The following HLA-DQA1 variants were observed in gnomAD, a reference collection of about 807,000 sequenced individuals.
HLA-DQA1 encodes HLA class II histocompatibility antigen, DQ alpha 1 chain.
A neutral mutation model predicts 20.7 loss-of-function variants in HLA-DQA1; 10 were observed. The observed-to-expected ratio is 0.48, with a 90% confidence interval of 0.30 to 0.82. The LOEUF (loss-of-function observed/expected upper bound fraction) is 0.82, where lower values mean the gene tolerates loss of function less well. HLA-DQA1 is among the 40% of genes least tolerant of loss of function. The pLI is 0.07. For synonymous variants in HLA-DQA1, 39 were observed against 109.2 expected, an observed-to-expected ratio of 0.36 and a Z score of 4.01; for missense variants, 127 against 293.0, an observed-to-expected ratio of 0.43 and a Z score of 4.14.
At chr6:32,651,268 A>ACCTACCACAC (rs1782172206), downstream of HLA-DQA1, among the ~76,000 whole-genome samples, 2 of 92,298 alleles carry the variant, frequency 2.2e-5, no homozygotes, top group Non-Finnish European at 4.8e-5. Context: ...TGAAAAATGT[A>ACCTACCACAC]ATCAAGAAAA....
intron 1 of HLA-DQA1, among the ~76,000 whole-genome samples, chr6:32,640,679 C>T (rs1781315396): frequency 9.3e-6 from 1 of 107,046 alleles, no homozygotes; most frequent in South Asian, 2.9e-4. Flanking sequence ...AAAACAGAGA[C>T]CTTAGAAGGA....
downstream of HLA-DQA1, among the ~76,000 whole-genome samples, chr6:32,651,270 T>C (rs1267976401): frequency 3.3e-5 from 3 of 91,290 alleles, no homozygotes; most frequent in Non-Finnish European, 4.8e-5. Flanking sequence ...AAAAATGTAA[T>C]CAAGAAAATC....
At chr6:32,639,475 C>A in intron 1 of HLA-DQA1, 1 of 96,756 alleles carries the variant, frequency 1.0e-5, no homozygotes, top group African/African-American at 3.6e-5. Context: ...GTGTGCCTGC[C>A]CGTCTTCCCC....
chr6:32,647,536 C>T (rs1254276387), downstream of HLA-DQA1, among the ~76,000 whole-genome samples: 1 of 95,942 alleles, frequency 1.0e-5, no homozygotes, highest in Non-Finnish European at 2.4e-5. Context: ...TTCTACAATG[C>T]AAAGTTTTTT....
At chr6:32,646,330 T>C (rs1463044261), downstream of HLA-DQA1, 1 of 142,560 alleles carries the variant, frequency 7.0e-6, no homozygotes, top group Non-Finnish European at 1.5e-5. Context: ...TGGAGGCCAA[T>C]AGGGGAGGAT....
the HLA-DQA1 span, among the ~76,000 whole-genome samples, chr6:32,655,261 T>TTATTTTTTAAATTTG: frequency 7.0e-6 from 1 of 142,056 alleles, no homozygotes; most frequent in Non-Finnish European, 1.5e-5. Context: ...AGTTTTCTGT[T>TTATTTTTTAAATTTG]TTTTAAAATC....
chr6:32,644,859 T>A (rs1306228355), downstream of HLA-DQA1: 1 of 135,756 alleles, frequency 7.4e-6, no homozygotes, highest in Admixed American at 7.8e-5. Context: ...CATAAGTGTT[T>A]ATTCAAGGTA....
chr6:32,647,596 G>C (rs9380316), downstream of HLA-DQA1, among the ~76,000 whole-genome samples: 2,098 of 151,864 alleles, frequency 0.014, 80 homozygotes, highest in East Asian at 0.14. Flanking sequence ...GAAGCATTCT[G>C]TTTGAAGTTA....
At chr6:32,640,801 T>A (rs1200762146) in intron 1 of HLA-DQA1, among the ~76,000 whole-genome samples, 1 of 46,126 alleles carries the variant, frequency 2.2e-5, no homozygotes, top group Non-Finnish European at 3.7e-5. Context: ...AGATCCTGCA[T>A]GCTTTTCCTT....
Position 32,642,976 on chromosome 6 carries a change from A to T in HLA-DQA1, c.*45A>T, listed in dbSNP as rs9272872. On this transcript the variant is annotated 3_prime_UTR_variant, in exon 5 of 5. Coordinates refer to ENST00000343139, the MANE Select transcript of HLA-DQA1 (RefSeq NM_002122.5). ...GGTGCATCGCCATCTACAGGAGCAG[A>T]AGAATGGACTTGCTAAATGACCTAG... 2.1e-6 allele frequency: 1 copy of T among 479,060 alleles called. No homozygotes were observed. The highest frequency in any genetic ancestry group is 3.8e-6 in the Non-Finnish European group (1 of 264,344). 29.7% of individuals were successfully genotyped at this position (479,060 alleles called of 1,614,324 possible).
the HLA-DQA1 span, among the ~76,000 whole-genome samples, chr6:32,652,570 C>T: frequency 6.7e-6 from 1 of 150,030 alleles, no homozygotes; most frequent in South Asian, 2.1e-4. Context: ...AAATGATGAA[C>T]AATTTTTTCA....
chr6:32,638,716 A>G, intron 1 of HLA-DQA1, among the ~76,000 whole-genome samples: 1 of 78,638 alleles, frequency 1.3e-5, no homozygotes, highest in South Asian at 4.0e-4. Flanking sequence ...GAAGGAAGGA[A>G]GGAGAAGGAA....
At chr6:32,654,387 C>T in the HLA-DQA1 span, among the ~76,000 whole-genome samples, 35,420 of 90,638 alleles carry the variant, frequency 0.39, 8,718 homozygotes, top group Middle Eastern at 0.6. Flanking sequence ...AATAATAATG[C>T]ACTGTCATTT....
downstream of HLA-DQA1, among the ~76,000 whole-genome samples, chr6:32,651,922 C>T (rs1782202353): frequency 2.1e-5 from 2 of 96,390 alleles, 1 homozygote; most frequent in Admixed American, 2.5e-4. Flanking sequence ...GACAGAAAGT[C>T]GGACTCCTAG....
intron 3 of HLA-DQA1, 99 bp from the exon 4 acceptor site, chr6:32,642,511 C>T: frequency 9.9e-7 from 1 of 1,013,222 alleles, no homozygotes; most frequent in Admixed American, 2.1e-5. Flanking sequence ...AGCCTGGGGC[C>T]TTGAGTCTTT....
chr6:32,652,672 G>T, the HLA-DQA1 span, among the ~76,000 whole-genome samples: 1 of 144,246 alleles, frequency 6.9e-6, no homozygotes, highest in Non-Finnish European at 1.5e-5. Flanking sequence ...TTGAAAAAAG[G>T]GTGCATGTAC....
chr6:32,639,137 C>T (rs536948521), intron 1 of HLA-DQA1: 1 of 226,808 alleles, frequency 4.4e-6, no homozygotes, highest in Non-Finnish European at 8.9e-6. Flanking sequence ...TTTCTTCAAC[C>T]TCACACCAGA....
chr6:32,655,208 T>TCC, the HLA-DQA1 span, among the ~76,000 whole-genome samples: 1 of 125,910 alleles, frequency 7.9e-6, no homozygotes, highest in Admixed American at 8.2e-5. Context: ...AGTTTAAAAT[T>TCC]TTTTCGAAGT....
intron 1 of HLA-DQA1, 122 bp from the exon 2 acceptor site, chr6:32,641,188 A>G (rs1278730615): frequency 1.5e-6 from 1 of 665,138 alleles, no homozygotes; most frequent in Non-Finnish European, 2.4e-6. Context: ...GGAAATGTCC[A>G]CAGACTGTGC....
Sources: gnomAD v4.1 joint callset for allele counts (sites outside exome capture counted in the v4.1 genomes callset) on GRCh38, gnomAD v4.1.1 for gene constraint, MANE v1.5 for transcripts, NCBI Gene and HGNC (gene_info 2026-07-23, HGNC 2026-07-21) for gene names.